Variants in MACO1 observed in about 807,000 individuals in gnomAD.
The protein encoded by MACO1 is macoilin 1.
A neutral mutation model predicts 78.7 loss-of-function variants in MACO1; 14 were observed. That is an observed-to-expected ratio of 0.18 (90% confidence interval 0.12 to 0.28). The LOEUF (loss-of-function observed/expected upper bound fraction) is 0.28. MACO1 is among the 10% of genes least tolerant of loss of function. The pLI is 1.00. For synonymous variants in MACO1, 288 were observed against 291.6 expected, an observed-to-expected ratio of 0.99 and a Z score of 0.12; for missense variants, 501 against 799.0, an observed-to-expected ratio of 0.63 and a Z score of 4.50.
chr1:25,436,040 T>G (rs920516122), intron 1 of MACO1, among the ~76,000 whole-genome samples: 2 of 152,252 alleles, frequency 1.3e-5, no homozygotes, highest in African/African-American at 4.8e-5. Flanking sequence ...CATTATTTGC[T>G]TAAAAGCTTC....
chr1:25,464,950 A>G (rs929211672), intron 6 of MACO1, among the ~76,000 whole-genome samples: 4 of 150,622 alleles, frequency 2.7e-5, no homozygotes, highest in African/African-American at 7.3e-5. Flanking sequence ...CTGGAATTAC[A>G]GGCATGAGCC....
intron 8 of MACO1, among the ~76,000 whole-genome samples, chr1:25,488,812 T>G (rs1212823006): frequency 6.6e-6 from 1 of 151,730 alleles, no homozygotes; most frequent in Non-Finnish European, 1.5e-5. Context: ...AAAATTTTAT[T>G]TATTTATTTA....
At chr1:25,484,752 A>C (rs951105422) in intron 7 of MACO1, among the ~76,000 whole-genome samples, 5 of 152,142 alleles carry the variant, frequency 3.3e-5, no homozygotes, top group Non-Finnish European at 7.4e-5. Flanking sequence ...TTCATTCTGG[A>C]ATTACTTCTT....
At position 25,456,676 on chromosome 1, in the gene MACO1, TG is replaced by T; in HGVS notation, c.501del (p.Phe168LeufsTer7). ...AHCIGYPVVT[L>X]GFGFKSYVSY... is the part of the protein sequence containing the mutation. The stretch of plus-strand genomic sequence containing the variant: ...AGTATTGGGTACCCTGTGGTAACTT[TG>T]GGGTTTGGCTTCAAAAGTTACGTAA... On this transcript the variant is annotated frameshift_variant, in exon 5 of 11. Coordinates refer to ENST00000374343, the MANE Select transcript of MACO1 (RefSeq NM_018202.6). LOFTEE classifies it high-confidence loss of function. 1 of 1,613,682 alleles carries T rather than the reference TG, an allele frequency of 6.2e-7. No individual in the cohort carries two copies.
At position 25,448,819 on chromosome 1, in the gene MACO1, A is replaced by G. The variant is rs769325271; in HGVS notation, c.234A>G (p.Val78=). ...ATTTTTCCCTTTAGGCCTTCTCAGT[A>G]TTTTTTGTTTGTGTAGCATTCACGT... ...SFRYQGLAFS[V]FFVCVAFTSN... The change falls in exon 3 of 11, where the codon GTA becomes GTG. Residue 78 remains valine (V), a synonymous_variant. Coordinates refer to ENST00000374343, the MANE Select transcript of MACO1 (RefSeq NM_018202.6). 11 of 1,545,976 alleles carry G rather than the reference A, an allele frequency of 7.1e-6. No individual in the cohort carries two copies. The highest frequency in any genetic ancestry group is 5.0e-5 in the South Asian group (4 of 79,724).
At position 25,456,740 on chromosome 1, in the gene MACO1, A is replaced by C; in HGVS notation, c.561A>C (p.Gln187His). Residue 187 changes from glutamine to histidine, a missense_variant, in exon 5 of 11, where the codon CAA (glutamine) becomes CAC (histidine). Coordinates refer to ENST00000374343, the MANE Select transcript of MACO1 (RefSeq NM_018202.6). ...GGTTAAGGAAGCAAAAAGAAGTACA[A>C]AAAGAGAACGAGTTTTACATGCAAC... ...KMRLRKQKEV[Q>H]KENEFYMQLL... 1 of 1,614,120 alleles carries C rather than the reference A, an allele frequency of 6.2e-7. No homozygotes were observed. Among genetic ancestry groups the C allele is most frequent in the Non-Finnish European group, 8.5e-7 (1 of 1,179,990 alleles).
chr1:25,444,950 G>T (rs2043002697), intron 1 of MACO1, among the ~76,000 whole-genome samples: 1 of 151,910 alleles, frequency 6.6e-6, no homozygotes, highest in Non-Finnish European at 1.5e-5. Context: ...AATTACGAGG[G>T]CTCTATCTTC....
At chr1:25,489,314 T>G in intron 9 of MACO1, 21 bp downstream of exon 9, 1 of 1,610,614 alleles carries the variant, frequency 6.2e-7, no homozygotes, top group Non-Finnish European at 8.5e-7. Flanking sequence ...AACAAAAGAC[T>G]TCCCTTGTAT....
At position 25,492,545 on chromosome 1, in the gene MACO1, G is replaced by T. The variant is rs550183357; in HGVS notation, c.1792+961G>T. Among the ~76,000 whole-genome samples, 10 of 152,168 alleles carry T rather than the reference G, an allele frequency of 6.6e-5. No homozygotes were observed. The South Asian group carries it at 1.0e-3, about 16-fold the overall frequency. On this transcript the variant is annotated intron_variant, in intron 10 of 10. Coordinates refer to ENST00000374343, the MANE Select transcript of MACO1 (RefSeq NM_018202.6). ...GAGCGTGGGTACTCTGCAGGCAGAGGGTGGGGGTTGTAGCCTGTGTGATAA... is the reference window on the plus strand; with the variant it reads ...GAGCGTGGGTACTCTGCAGGCAGAGTGTGGGGGTTGTAGCCTGTGTGATAA...
At chr1:25,431,704 G>T (rs1365660166) in intron 1 of MACO1, among the ~76,000 whole-genome samples, 1 of 152,172 alleles carries the variant, frequency 6.6e-6, no homozygotes, top group African/African-American at 2.4e-5. Flanking sequence ...CTGGCCTGGG[G>T]CCATGCTGTC....
chr1:25,455,380 A>G (rs1164793974), intron 4 of MACO1, among the ~76,000 whole-genome samples: 2 of 152,154 alleles, frequency 1.3e-5, no homozygotes, highest in African/African-American at 4.8e-5. Flanking sequence ...ATTTTTACTA[A>G]TATTTATGGC....
chr1:25,441,373 C>CG (rs1174978403), intron 1 of MACO1, among the ~76,000 whole-genome samples: 12 of 152,038 alleles, frequency 7.9e-5, no homozygotes, highest in Admixed American at 3.3e-4. Flanking sequence ...TTAGTAGAGA[C>CG]GGGGTTTCAC....
At chr1:25,480,238 G>C (rs2043359382) in intron 6 of MACO1, among the ~76,000 whole-genome samples, 1 of 152,148 alleles carries the variant, frequency 6.6e-6, no homozygotes, top group Non-Finnish European at 1.5e-5. Flanking sequence ...GCCATTTACT[G>C]TTTTATGTTA....
Position 25,485,724 on chromosome 1 carries a change from G to A in MACO1, c.1425G>A (p.Met475Ile). The A allele has an allele frequency of 1.9e-6, 3 of 1,614,140 alleles. No individual in the cohort carries two copies. The change falls in exon 8 of 11, where the codon ATG (methionine) becomes ATA (isoleucine). Residue 475 changes from methionine (M) to isoleucine (I), a missense_variant. Met to Ile is a conservative substitution (Grantham distance 10). This residue lies in a region of MACO1 where 163 missense variants were observed against 271.9 expected (regional missense o/e 0.60). Coordinates refer to ENST00000374343, the MANE Select transcript of MACO1 (RefSeq NM_018202.6). This position sits in a 1 kb window ranked among gnomAD's most constrained non-coding sequence, Gnocchi z 4.3. ...GAAGTTTTGTAGAGAAACAGTTAAT[G>A]GAAGAGAAAAAGAGGAAGAAGTTAG... ...EARSFVEKQL[M>I]EEKKRKKLEE... is the part of the protein sequence containing the mutation.
chr1:25,473,765 A>G (rs1331388919), intron 6 of MACO1, among the ~76,000 whole-genome samples: 1 of 152,202 alleles, frequency 6.6e-6, no homozygotes, highest in Non-Finnish European at 1.5e-5. Flanking sequence ...GAAACTGGCT[A>G]TTTGGATACT....
chr1:25,435,562 C>G (rs920497627), intron 1 of MACO1, among the ~76,000 whole-genome samples: 1 of 152,190 alleles, frequency 6.6e-6, no homozygotes, highest in Non-Finnish European at 1.5e-5. Flanking sequence ...TAGTTTTAGA[C>G]TCCTTTGGGC....
At chr1:25,481,745 A>C (rs1475340935) in intron 6 of MACO1, among the ~76,000 whole-genome samples, 1 of 152,206 alleles carries the variant, frequency 6.6e-6, no homozygotes, top group Admixed American at 6.5e-5. Context: ...AGTACATTCA[A>C]CTGGAATAAC....
chr1:25,443,578 G>A (rs2042990204), intron 1 of MACO1, among the ~76,000 whole-genome samples: 1 of 152,224 alleles, frequency 6.6e-6, no homozygotes, highest in African/African-American at 2.4e-5. Context: ...CCGCCTTAAA[G>A]TTATGCAATT....
In MACO1 at chr1:25,430,943, CCCCGTGCTACCCCCT is replaced by C; in HGVS notation, c.-152_-138del. On this transcript the variant is annotated 5_prime_UTR_variant, in exon 1 of 11. Transcript: ENST00000374343. ...GCGGAGGAGGCTCCGAGCCCCCCCT[CCCCGTGCTACCCCCT>C]CCCCCCGGGTGCTGGCTCCATGTCT... 2.5e-6 allele frequency: 1 copy of C among 402,932 alleles called. No individual in the cohort carries two copies. 25.0% of individuals were successfully genotyped at this position (402,932 alleles called of 1,614,324 possible). A position where few individuals can be genotyped will look rare whatever the true frequency, so the allele number is the denominator to read the frequency against.
Sources: gnomAD v4.1 joint callset for allele counts (sites outside exome capture counted in the v4.1 genomes callset) on GRCh38, gnomAD v4.1.1 for gene constraint, gnomAD v4.1.1 regional missense constraint, Gnocchi (gnomAD v3.1) non-coding constraint, MANE v1.5 for transcripts, NCBI Gene and HGNC (gene_info 2026-07-23, HGNC 2026-07-21) for gene names.